The following CPED1 variants were observed in gnomAD, a reference collection of about 807,000 sequenced individuals.
CPED1 encodes the protein cadherin-like and PC-esterase domain-containing protein 1.
Under a neutral mutation model 128.2 loss-of-function variants are expected in CPED1, and 114 were observed. The ratio of observed to expected loss-of-function variants is 0.89; its 90% confidence interval spans 0.76 to 1.04. CPED1 has a LOEUF of 1.04. Among genes scored for constraint, CPED1 ranks in the 50% least tolerant of loss-of-function variants. The probability of loss-of-function intolerance (pLI) is 0.00; values close to 1 mark genes in which losing one functional copy is unlikely to be tolerated. For synonymous variants in CPED1, 462 were observed against 426.7 expected (o/e 1.08, Z -1.02); for missense variants, 1,211 against 1,207.1 (o/e 1.00, Z -0.05).
intron 5 of CPED1, among the ~76,000 whole-genome samples, chr7:121,096,795 T>A (rs1017041077): frequency 6.6e-6 from 1 of 152,236 alleles, no homozygotes. Flanking sequence ...ATGGAAAGGA[T>A]GCCAGGATGG....
At chr7:121,198,813 C>G (rs1346363237) in intron 16 of CPED1, among the ~76,000 whole-genome samples, 1 of 152,250 alleles carries the variant, frequency 6.6e-6, no homozygotes, top group Middle Eastern at 3.4e-3. Context: ...TCATTCCTAT[C>G]GGTAACTGAA....
rs1203846076 is a variant in CPED1, at chr7:121,244,764, CA to C, written c.2310+427del. Among the ~76,000 whole-genome samples, 3 of 152,190 alleles carry C rather than the reference CA, an allele frequency of 2.0e-5. No individual in the cohort carries two copies. In the East Asian group the frequency reaches 5.8e-4, roughly 29 times the overall value. On this transcript the variant is annotated intron_variant, in intron 18 of 22. Transcript: ENST00000310396. ...ATCAAAAGGTCCTGCATGTGAGACT[CA>C]CTTCTAGAGCTTTCCAAGTGCATGG... is the stretch of plus-strand genomic sequence containing the variant.
intron 5 of CPED1, among the ~76,000 whole-genome samples, chr7:121,093,523 TTC>T (rs1037039576): frequency 1.3e-5 from 2 of 152,052 alleles, no homozygotes; most frequent in African/African-American, 4.8e-5. Context: ...GTGCTGAATA[TTC>T]TCTATTTGCC....
chr7:121,161,756 G>C (rs1796416909), intron 16 of CPED1, among the ~76,000 whole-genome samples: 1 of 152,200 alleles, frequency 6.6e-6, no homozygotes, highest in Non-Finnish European at 1.5e-5. Context: ...TAGTGAAAAT[G>C]AGACTTTTAA....
At chr7:121,231,008 A>G (rs147205090) in intron 16 of CPED1, among the ~76,000 whole-genome samples, 6 of 152,164 alleles carry the variant, frequency 3.9e-5, no homozygotes, top group Non-Finnish European at 5.9e-5. Flanking sequence ...AGAGTGGCCT[A>G]GACAGGGATC....
At chr7:121,153,790 G>A (rs754340904) in intron 16 of CPED1, among the ~76,000 whole-genome samples, 9 of 119,244 alleles carry the variant, frequency 7.5e-5, no homozygotes, top group Non-Finnish European at 1.5e-4. Context: ...AGTTATAAGC[G>A]GATTTTAAAA....
chr7:121,152,872 G>T (rs1209916277), intron 16 of CPED1, among the ~76,000 whole-genome samples: 1 of 152,160 alleles, frequency 6.6e-6, no homozygotes, highest in East Asian at 1.9e-4. Context: ...GTACATTTTT[G>T]TAATGAATGT....
At chr7:121,061,899 C>G (rs988626030) in intron 4 of CPED1, among the ~76,000 whole-genome samples, 8 of 152,088 alleles carry the variant, frequency 5.3e-5, no homozygotes, top group Non-Finnish European at 7.4e-5. Flanking sequence ...CTTCTTTGTG[C>G]TGTTATTTTA....
rs776064081 is a variant in CPED1 at position 121,124,378 on chromosome 7, G to C, written c.966G>C (p.Gln322His). The C allele has an allele frequency of 1.2e-6, 2 of 1,610,296 alleles. No individual in the cohort carries two copies. Among genetic ancestry groups the C allele is most frequent in the East Asian group, 4.5e-5 (2 of 44,610 alleles). ...TCCTGAGAGCCAGTTCACCTCAACA[G>C]GCTTTTGACATTATGAAGGAAGCAA... ...ETFLRASSPQQAFDIMKEAIG... is the reference protein window; with the variant it reads ...ETFLRASSPQHAFDIMKEAIG... The change falls in exon 8 of 23, where the codon CAG becomes CAC. Residue 322 changes from glutamine to histidine, a missense_variant. By Grantham distance (24) the Gln-to-His change is conservative. Coordinates refer to ENST00000310396, the MANE Select transcript of CPED1 (RefSeq NM_024913.5).
intron 3 of CPED1, among the ~76,000 whole-genome samples, chr7:121,025,907 T>A (rs1450684312): frequency 6.6e-6 from 1 of 152,162 alleles, no homozygotes; most frequent in Non-Finnish European, 1.5e-5. Context: ...TTGATTTGTG[T>A]GTCCTACCGC....
chr7:120,990,904 T>C (rs1476444746), intron 2 of CPED1, among the ~76,000 whole-genome samples: 2 of 152,196 alleles, frequency 1.3e-5, no homozygotes, highest in Non-Finnish European at 2.9e-5. Context: ...TTTATTTCGT[T>C]TCAGACTACT....
At chr7:121,049,546 G>A (rs1026342720) in intron 4 of CPED1, among the ~76,000 whole-genome samples, 1 of 152,232 alleles carries the variant, frequency 6.6e-6, no homozygotes, top group African/African-American at 2.4e-5. Context: ...CCTCCTGGGG[G>A]ACAGAGCAGG....
chr7:121,092,081 C>T (rs1048459149), intron 5 of CPED1, among the ~76,000 whole-genome samples: 20 of 152,110 alleles, frequency 1.3e-4, no homozygotes, highest in Non-Finnish European at 1.6e-4. Context: ...TTCCCATGCT[C>T]ATTGTGGGTT....
intron 16 of CPED1, among the ~76,000 whole-genome samples, chr7:121,171,433 A>G (rs1436951476): frequency 6.6e-6 from 1 of 152,206 alleles, no homozygotes; most frequent in African/African-American, 2.4e-5. Context: ...AAATAGCTGT[A>G]TCTTCATTGG....
chr7:121,082,442 G>A (rs1794316799), intron 5 of CPED1, among the ~76,000 whole-genome samples: 1 of 152,062 alleles, frequency 6.6e-6, no homozygotes, highest in Non-Finnish European at 1.5e-5. Context: ...ACAATTAAGA[G>A]GTTGAGTATA....
At chr7:121,267,109 A>G (rs1792142049) in intron 20 of CPED1, 106 bp from the exon 21 acceptor site, 5 of 698,584 alleles carry the variant, frequency 7.2e-6, no homozygotes, top group African/African-American at 3.6e-5. Context: ...TTTTATGCCA[A>G]TTATCACATT....
At chr7:121,199,423 T>G (rs201751349) in intron 16 of CPED1, among the ~76,000 whole-genome samples, 1 of 151,850 alleles carries the variant, frequency 6.6e-6, no homozygotes, top group East Asian at 1.9e-4. Context: ...CTCACACCTA[T>G]AATCCCAGCA....
intron 16 of CPED1, among the ~76,000 whole-genome samples, chr7:121,211,140 T>C (rs1797632005): frequency 6.6e-6 from 1 of 152,092 alleles, no homozygotes; most frequent in South Asian, 2.1e-4. Context: ...TAGAGTACAA[T>C]TAAAATAGGC....
chr7:121,100,997 T>G (rs1325095545), intron 7 of CPED1, among the ~76,000 whole-genome samples: 5 of 152,264 alleles, frequency 3.3e-5, no homozygotes. Flanking sequence ...GCTTACATAT[T>G]CTTCTGTAAG....
Sources: allele counts gnomAD v4.1 joint callset (sites outside exome capture counted in the v4.1 genomes callset), GRCh38; gene constraint gnomAD v4.1.1; transcripts MANE v1.5; gene names NCBI Gene and HGNC (gene_info 2026-07-23, HGNC 2026-07-21).